SARM1: variants seen among roughly 807,000 people sequenced by gnomAD.
SARM1 encodes NAD(+) hydrolase SARM1.
A neutral mutation model predicts 65.1 loss-of-function variants in SARM1; 60 were observed. That is an observed-to-expected ratio of 0.92 (90% CI 0.75 to 1.14). The LOEUF (loss-of-function observed/expected upper bound fraction) is 1.14. Ranked by LOEUF, SARM1 falls within the 50% of genes most tolerant of loss-of-function variation. The pLI, the probability that SARM1 is intolerant of heterozygous loss-of-function variation, is 0.00. For missense variants in SARM1, 913 were observed against 1,015.7 expected (o/e 0.90, Z 1.37); for synonymous variants, 417 against 465.4 (o/e 0.90, Z 1.34).
At chr17:28,394,145 C>A (rs2068095455) in intron 7 of SARM1, among the ~76,000 whole-genome samples, 1 of 152,130 alleles carries the variant, frequency 6.6e-6, no homozygotes, top group Non-Finnish European at 1.5e-5. Flanking sequence ...CATGCAAAGT[C>A]TTGAAGAATT....
rs549974315 is a variant in SARM1 at position 28,384,700 on chromosome 17, C to A, written c.1302+131C>A. 4 of 1,208,520 alleles carry A rather than the reference C, an allele frequency of 3.3e-6. No individual in the cohort carries two copies. Among genetic ancestry groups the A allele is most frequent in the Admixed American group, 2.2e-5 (1 of 44,518 alleles). The allele number at this position is 1,208,520 out of a possible 1,614,324, so 74.9% of individuals were successfully genotyped here. A position where few individuals can be genotyped will look rare whatever the true frequency, so the allele number is the denominator to read the frequency against. On this transcript the variant is annotated intron_variant, in intron 3 of 8. Coordinates refer to ENST00000585482, the MANE Select transcript of SARM1 (RefSeq NM_015077.4). The surrounding 1 kb of genome is among the most constrained non-coding windows in gnomAD (Gnocchi z 4.4). ...TGGGGGCGGGGAGCCTGTACGCAGCCACCGTTAGGGTCACTCGGCTCTGAT... is the reference window on the plus strand; with the variant it reads ...TGGGGGCGGGGAGCCTGTACGCAGCAACCGTTAGGGTCACTCGGCTCTGAT...
At chr17:28,379,403 T>TGGGTTCA (rs2142426659) in intron 1 of SARM1, among the ~76,000 whole-genome samples, 1 of 142,762 alleles carries the variant, frequency 7.0e-6, no homozygotes, top group South Asian at 2.4e-4. Context: ...CTCCGCCTCC[T>TGGGTTCA]GGGTTCACAC....
At chr17:28,379,928 A>G (rs550510580) in intron 1 of SARM1, among the ~76,000 whole-genome samples, 32 of 151,768 alleles carry the variant, frequency 2.1e-4, no homozygotes, top group East Asian at 1.4e-3. Context: ...CAAATTTTGG[A>G]TTTCCTCTTG....
chr17:28,382,971 G>A (rs1413902230), intron 2 of SARM1, among the ~76,000 whole-genome samples: 1 of 152,194 alleles, frequency 6.6e-6, no homozygotes, highest in Non-Finnish European at 1.5e-5. Flanking sequence ...GAGATGTGGT[G>A]CATACCCCAT....
chr17:28,381,285 G>T lies in SARM1; in HGVS notation c.553G>T (p.Ala185Ser), dbSNP rs71373647. 2 of 1,607,176 alleles carry T rather than the reference G, an allele frequency of 1.2e-6. No homozygotes were observed. The highest frequency in any genetic ancestry group is 8.5e-7 in the Non-Finnish European group (1 of 1,177,226). The change falls in exon 2 of 9, where the codon GCA becomes TCA. Residue 185 changes from alanine (A) to serine (S), a missense_variant. Ala to Ser is a moderately conservative substitution (Grantham distance 99). Transcript: ENST00000585482. ...REPVELARSV[A>S]GILEHMFKHS... ...ACCCGTAGAGCTGGCGCGGAGCGTG[G>T]CAGGCATCTTGGAGCACATGTTCAA...
chr17:28,400,979 C>T lies in SARM1; in HGVS notation c.*4693C>T, dbSNP rs2068190779. 1.7e-6 allele frequency: 1 copy of T among 578,800 alleles called. No individual in the cohort carries two copies. The highest frequency in any genetic ancestry group is 3.1e-6 in the Non-Finnish European group (1 of 321,694). 35.9% of individuals were successfully genotyped at this position (578,800 alleles called of 1,614,324 possible). A position where few individuals can be genotyped will look rare whatever the true frequency, so the allele number is the denominator to read the frequency against. Reference sequence around the variant, plus strand: ...CACAGAGGGGCTACTAAACAAATGGCTGCTATTAAATCCACATTAAAAGTA... The same window carrying T: ...CACAGAGGGGCTACTAAACAAATGGTTGCTATTAAATCCACATTAAAAGTA... On this transcript the variant is annotated 3_prime_UTR_variant, in exon 9 of 9. Transcript: ENST00000585482.
rs782782701 is a variant in SARM1 at position 28,385,107 on chromosome 17, G to A, written c.1462G>A (p.Ala488Thr). 3 of 1,613,854 alleles carry A rather than the reference G, an allele frequency of 1.9e-6. No homozygotes were observed. In the South Asian group the frequency reaches 3.3e-5, roughly 18 times the overall value. Reference protein sequence around the residue: ...NYSTCDRSNLADWLGSLDPRF... With the variant: ...NYSTCDRSNLTDWLGSLDPRF... ...TTCTACGTGCGACCGCAGCAACCTG[G>A]CGGACTGGCTGGGCAGCCTGGACCC... Residue 488 changes from alanine (A) to threonine (T), a missense_variant, in exon 5 of 9, where the codon GCG becomes ACG. Around this residue, in one of 3 missense-constraint regions of SARM1, gnomAD observed 862 missense variants for 952.1 expected, o/e 0.91. Transcript: ENST00000585482. This position sits in a 1 kb window ranked among gnomAD's most constrained non-coding sequence, Gnocchi z 4.5.
chr17:28,391,158 T>A (rs6505079), intron 7 of SARM1, among the ~76,000 whole-genome samples: 87,986 of 152,046 alleles, frequency 0.58, 26,109 homozygotes, highest in East Asian at 0.72. Flanking sequence ...TGGTAGCTTG[T>A]CATCAGCCAT....
At position 28,396,023 on chromosome 17, in the gene SARM1, T is replaced by C. The variant is rs2068117883; in HGVS notation, c.2042T>C (p.Ile681Thr). Residue 681 changes from isoleucine to threonine, a missense_variant, in exon 8 of 9, where the codon ATC (isoleucine) becomes ACC (threonine). Coordinates refer to ENST00000585482, the MANE Select transcript of SARM1 (RefSeq NM_015077.4). Reference sequence around the variant, plus strand: ...CAGGCTGTGCTTACTTTCAACGGTATCAAGTGAGCCCCAGGGCCCTGGGAC... The same window carrying C: ...CAGGCTGTGCTTACTTTCAACGGTACCAAGTGAGCCCCAGGGCCCTGGGAC... ...DMQAVLTFNGIKWSHEYQEAT... is the reference protein window; with the variant it reads ...DMQAVLTFNGTKWSHEYQEAT... The C allele has an allele frequency of 1.2e-6, 2 of 1,613,912 alleles. No homozygotes were observed. Among genetic ancestry groups the C allele is most frequent in the Middle Eastern group, 1.6e-4 (1 of 6,062 alleles).
rs1555586131 is a variant in SARM1 at position 28,387,236 on chromosome 17, C to CTTTTCT, written c.1631-934_1631-933insCTTTTT. 1.0e-4 allele frequency among the ~76,000 whole-genome samples: 14 copies of CTTTTCT among 139,218 alleles called. No homozygotes were observed. The East Asian group carries it at 1.0e-3, about 10-fold the overall frequency. 91.3% of individuals were successfully genotyped at this position (139,218 alleles called of 152,430 possible). On this transcript the variant is annotated intron_variant, in intron 5 of 8. Coordinates refer to ENST00000585482, the MANE Select transcript of SARM1 (RefSeq NM_015077.4). ...CAATTCTTTTCTTTTCTTTTCTTTT[C>CTTTTCT]TTTTTTTTTTTTTTTAGTCAGAGTC... is the stretch of plus-strand genomic sequence containing the variant.
At position 28,384,783 on chromosome 17, in the gene SARM1, T is replaced by A. The variant is rs2068041686; in HGVS notation, c.1303-56T>A. Reference sequence around the variant, plus strand: ...CAGTTCCTTCCCTTGCATCTTGTGCTCGAGGTCCAAGGGCGGAGTAGCGAA... The same window carrying A: ...CAGTTCCTTCCCTTGCATCTTGTGCACGAGGTCCAAGGGCGGAGTAGCGAA... On this transcript the variant is annotated intron_variant, in intron 3 of 8. Transcript: ENST00000585482. This position sits in a 1 kb window ranked among gnomAD's most constrained non-coding sequence, Gnocchi z 4.4. 6.8e-7 allele frequency: 1 copy of A among 1,475,576 alleles called. No individual in the cohort carries two copies. Among genetic ancestry groups the A allele is most frequent in the African/African-American group, 1.4e-5 (1 of 71,612 alleles). 91.4% of individuals were successfully genotyped at this position (1,475,576 alleles called of 1,614,324 possible).
rs539619751 is a variant in SARM1, at chr17:28,400,541, G to T, written c.*4255G>T. 1.8e-5 allele frequency: 28 copies of T among 1,578,324 alleles called. No homozygotes were observed. The South Asian group carries it at 2.8e-4, about 16-fold the overall frequency. ...AGGAATGAAGCTGCCATTTCTGGTT[G>T]GGAGGAGAAGAGGAAACTTTTAAGA... is the stretch of plus-strand genomic sequence containing the variant. On this transcript the variant is annotated 3_prime_UTR_variant, in exon 9 of 9. Coordinates refer to ENST00000585482, the MANE Select transcript of SARM1 (RefSeq NM_015077.4).
rs1555585278 is a variant in SARM1 at position 28,381,586 on chromosome 17, G to T, written c.854G>T (p.Arg285Leu). ...AVLATNKEVEREVERSGTLAL... is the reference protein window; with the variant it reads ...AVLATNKEVELEVERSGTLAL... ...TTGGCGACTAACAAGGAGGTGGAGC[G>T]CGAGGTGGAGCGCTCGGGCACGCTG... The change falls in exon 2 of 9, where the codon CGC becomes CTC. Residue 285 changes from arginine (R) to leucine (L), a missense_variant. By Grantham distance (102) the Arg-to-Leu change is moderately radical. Coordinates refer to ENST00000585482, the MANE Select transcript of SARM1 (RefSeq NM_015077.4). 3.1e-6 allele frequency: 5 copies of T among 1,589,938 alleles called. No individual in the cohort carries two copies. Among genetic ancestry groups the T allele is most frequent in the East Asian group, 4.6e-5 (2 of 43,750 alleles).
chr17:28,376,573 G>GA (rs782347193), intron 1 of SARM1, among the ~76,000 whole-genome samples: 43 of 151,444 alleles, frequency 2.8e-4, no homozygotes, highest in Admixed American at 9.2e-4. Flanking sequence ...ATCCTGTCAA[G>GA]AAAAAAAAGA....
intron 1 of SARM1, among the ~76,000 whole-genome samples, chr17:28,374,844 G>T (rs2067979813): frequency 6.6e-6 from 1 of 151,620 alleles, no homozygotes; most frequent in African/African-American, 2.4e-5. Context: ...GGGCGTGATG[G>T]CATGCACAGT....
chr17:28,381,278 G>C lies in SARM1; in HGVS notation c.546G>C (p.Arg182=). The C allele has an allele frequency of 3.1e-6, 5 of 1,608,124 alleles. No individual in the cohort carries two copies. The highest frequency in any genetic ancestry group is 2.5e-6 in the Non-Finnish European group (3 of 1,177,588). Residue 182 remains arginine (R), a synonymous_variant, in exon 2 of 9, where the codon CGG becomes CGC. Transcript: ENST00000585482. ...AKEREPVELA[R]SVAGILEHMF... is the part of the protein sequence containing the mutation. ...AACGCGAACCCGTAGAGCTGGCGCG[G>C]AGCGTGGCAGGCATCTTGGAGCACA...
chr17:28,402,403 T>G lies in SARM1; in HGVS notation c.*6117T>G. 2 of 1,225,624 alleles carry G rather than the reference T, an allele frequency of 1.6e-6. No homozygotes were observed. Among genetic ancestry groups the G allele is most frequent in the Non-Finnish European group, 1.2e-6 (1 of 849,626 alleles). The allele number at this position is 1,225,624 out of a possible 1,614,324, so 75.9% of individuals were successfully genotyped here. ...GGAAAGGCAGCAGAGCTCCTATCCA[T>G]ACCCCACGTGGGGCTTAGGTTAGAC... On this transcript the variant is annotated 3_prime_UTR_variant, in exon 9 of 9. Transcript: ENST00000585482.
intron 1 of SARM1, among the ~76,000 whole-genome samples, chr17:28,380,927 T>G (rs1358006948): frequency 6.6e-6 from 1 of 152,238 alleles, no homozygotes; most frequent in Non-Finnish European, 1.5e-5. Flanking sequence ...CCAGGGGATC[T>G]GCTCCTGAGC....
Position 28,384,508 on chromosome 17 carries a change from A to C in SARM1, c.1241A>C (p.Glu414Ala). ...PILPSVPSWK[E>A]AEVQTWLQQI... ...CTGCCCTCCGTGCCCAGCTGGAAGG[A>C]GGCCGAGGTTCAGACGTGGCTGCAG... Residue 414 changes from glutamate to alanine, a missense_variant, in exon 3 of 9, where the codon GAG (glutamate) becomes GCG (alanine). By Grantham distance (107) the Glu-to-Ala change is moderately radical. Coordinates refer to ENST00000585482, the MANE Select transcript of SARM1 (RefSeq NM_015077.4). This position sits in a 1 kb window ranked among gnomAD's most constrained non-coding sequence, Gnocchi z 4.4. 6.2e-7 allele frequency: 1 copy of C among 1,613,516 alleles called. No individual in the cohort carries two copies. Among genetic ancestry groups the C allele is most frequent in the Non-Finnish European group, 8.5e-7 (1 of 1,179,700 alleles).
Sources: gnomAD v4.1 joint callset for allele counts (sites outside exome capture counted in the v4.1 genomes callset) on GRCh38, gnomAD v4.1.1 for gene constraint, gnomAD v4.1.1 regional missense constraint, Gnocchi (gnomAD v3.1) non-coding constraint, MANE v1.5 for transcripts, NCBI Gene and HGNC (gene_info 2026-07-23, HGNC 2026-07-21) for gene names.